The following PRDM2 variants were observed in gnomAD, a reference collection of about 807,000 sequenced individuals.
PRDM2 encodes the protein PR domain zinc finger protein 2.
Under a neutral mutation model 130.0 loss-of-function variants are expected in PRDM2, and 30 were observed. That is an observed-to-expected ratio of 0.23 (90% CI 0.17 to 0.31). The LOEUF (loss-of-function observed/expected upper bound fraction) is 0.31. Among genes scored for constraint, PRDM2 ranks in the 10% least tolerant of loss-of-function variants. PRDM2 has a pLI of 1.00. For missense variants in PRDM2, 2,011 were observed against 2,108.4 expected (o/e 0.95, Z 0.90); for synonymous variants, 871 against 782.4 (o/e 1.11, Z -1.89).
intron 8 of PRDM2, among the ~76,000 whole-genome samples, chr1:13,783,875 C>A (rs765858921): frequency 6.7e-6 from 1 of 149,938 alleles, no homozygotes; most frequent in Non-Finnish European, 1.5e-5. Flanking sequence ...TCTGAAAATT[C>A]TTTGGTGTTT....
chr1:13,747,754 G>T (rs1643655845), intron 5 of PRDM2, among the ~76,000 whole-genome samples: 1 of 127,950 alleles, frequency 7.8e-6, no homozygotes, highest in Non-Finnish European at 1.6e-5. Flanking sequence ...ACCGTAGGTG[G>T]AATCTCCCTC....
chr1:13,736,152 C>T (rs1483998707), intron 4 of PRDM2, among the ~76,000 whole-genome samples: 12 of 143,092 alleles, frequency 8.4e-5, no homozygotes, highest in Non-Finnish European at 1.8e-4. Flanking sequence ...CTTGCTCTGT[C>T]ACCCAGGCTG....
intron 5 of PRDM2, among the ~76,000 whole-genome samples, chr1:13,746,572 T>TTTA (rs2100523653): frequency 7.3e-6 from 1 of 137,568 alleles, no homozygotes; most frequent in African/African-American, 2.9e-5. Flanking sequence ...TTATTTATTT[T>TTTA]TTAAGATAGG....
chr1:13,707,031 A>T (rs1182589107), intron 1 of PRDM2, among the ~76,000 whole-genome samples: 4 of 152,134 alleles, frequency 2.6e-5, no homozygotes, highest in African/African-American at 9.7e-5. Context: ...GTAGTAATAT[A>T]AGTGTGCCTG....
intron 8 of PRDM2, among the ~76,000 whole-genome samples, chr1:13,793,453 T>C (rs962789898): frequency 2.0e-5 from 3 of 152,190 alleles, no homozygotes; most frequent in Non-Finnish European, 4.4e-5. Flanking sequence ...TGTGGGGAAC[T>C]TGGATGATGG....
intron 4 of PRDM2, 140 bp downstream of exon 4, chr1:13,733,022 A>T (rs1272977906): frequency 1.5e-6 from 1 of 667,104 alleles, no homozygotes. Context: ...TAAAGAGAAA[A>T]TGTGTTTCCC....
At chr1:13,754,169 T>G (rs1380024442) in intron 6 of PRDM2, among the ~76,000 whole-genome samples, 1 of 152,146 alleles carries the variant, frequency 6.6e-6, no homozygotes, top group Non-Finnish European at 1.5e-5. Flanking sequence ...GCAGTTCTAC[T>G]CATGTAGAAA....
rs897603594 is a variant in PRDM2 at position 13,787,128 on chromosome 1, G to T, written c.5036+4297G>T. On this transcript the variant is annotated intron_variant, in intron 8 of 9. Transcript: ENST00000311066. Reference sequence around the variant, plus strand: ...TGGAGAGGAAACCAGATTGGATATGGACTCTTTTTTATGCCTATTCTGGTG... The same window carrying T: ...TGGAGAGGAAACCAGATTGGATATGTACTCTTTTTTATGCCTATTCTGGTG... 8.1e-6 allele frequency: 8 copies of T among 985,260 alleles called. No homozygotes were observed. In the African/African-American group the frequency reaches 1.4e-4, roughly 17 times the overall value. The allele number at this position is 985,260 out of a possible 1,614,324, so 61.0% of individuals were successfully genotyped here. A position where few individuals can be genotyped will look rare whatever the true frequency, so the allele number is the denominator to read the frequency against.
At chr1:13,726,312 T>C (rs1300617234) in intron 2 of PRDM2, among the ~76,000 whole-genome samples, 4 of 152,232 alleles carry the variant, frequency 2.6e-5, no homozygotes, top group Admixed American at 2.6e-4. Context: ...GGAAAGGTCA[T>C]CCTGGGTCAG....
chr1:13,799,271 CCTT>C (rs1644970303), intron 8 of PRDM2, among the ~76,000 whole-genome samples: 1 of 152,114 alleles, frequency 6.6e-6, no homozygotes, highest in Middle Eastern at 3.2e-3. Flanking sequence ...TGGTGAAACT[CCTT>C]CTCTACTAAA....
intron 2 of PRDM2, among the ~76,000 whole-genome samples, chr1:13,727,928 G>A (rs958516384): frequency 2.0e-5 from 3 of 152,194 alleles, no homozygotes; most frequent in Non-Finnish European, 4.4e-5. Context: ...TTATGAGTAT[G>A]TGGGGGAGAG....
At chr1:13,816,381 G>A (rs1020580600) in intron 8 of PRDM2, 46 bp from the exon 9 acceptor site, 10 of 1,609,342 alleles carry the variant, frequency 6.2e-6, no homozygotes, top group East Asian at 2.2e-5. Flanking sequence ...CTAGGGCACC[G>A]GGCTGGGCTC....
intron 5 of PRDM2, among the ~76,000 whole-genome samples, chr1:13,746,437 T>C (rs1323331177): frequency 6.6e-6 from 1 of 151,886 alleles, no homozygotes; most frequent in Non-Finnish European, 1.5e-5. Context: ...TTGGTGTAGC[T>C]GTTTTAATAT....
chr1:13,785,154 A>G (rs1167391739), intron 8 of PRDM2, among the ~76,000 whole-genome samples: 2 of 152,212 alleles, frequency 1.3e-5, no homozygotes, highest in Non-Finnish European at 2.9e-5. Flanking sequence ...TTGTTGCATT[A>G]CACTAATAAG....
At chr1:13,809,296 T>G (rs567848326) in intron 8 of PRDM2, among the ~76,000 whole-genome samples, 2 of 152,176 alleles carry the variant, frequency 1.3e-5, no homozygotes, top group South Asian at 4.2e-4. Context: ...GGGGAGCCAG[T>G]GTGGAAGTGA....
chr1:13,763,700 A>C (rs1644157639), intron 6 of PRDM2, among the ~76,000 whole-genome samples: 1 of 152,200 alleles, frequency 6.6e-6, no homozygotes, highest in Non-Finnish European at 1.5e-5. Context: ...CATTGTTTTT[A>C]CTTTTGTTGG....
At position 13,733,612 on chromosome 1, in the gene PRDM2, G is replaced by A. The variant is rs377730123; in HGVS notation, c.231+730G>A. ...ACTTGCAGCAGGGGACATAGCCTCT[G>A]GGCTAGAAAACCCTCAATTAAAAAA... On this transcript the variant is annotated intron_variant, in intron 4 of 9. Transcript: ENST00000311066. 2.6e-5 allele frequency among the ~76,000 whole-genome samples: 4 copies of A among 152,228 alleles called. No individual in the cohort carries two copies. The South Asian group carries it at 8.3e-4, about 32-fold the overall frequency.
chr1:13,773,063 A>C lies in PRDM2; in HGVS notation c.512-15A>C. ...AAAAAAATGAATGAATAAATTAAAAAAAATTGTGTTTCAGGGAAGAAAAAA... is the reference window on the plus strand; with the variant it reads ...AAAAAAATGAATGAATAAATTAAAACAAATTGTGTTTCAGGGAAGAAAAAA... On this transcript the variant is annotated splice_polypyrimidine_tract_variant and intron_variant, in intron 6 of 9. Transcript: ENST00000311066. 1 of 1,396,682 alleles carries C rather than the reference A, an allele frequency of 7.2e-7. No homozygotes were observed. The highest frequency in any genetic ancestry group is 9.6e-7 in the Non-Finnish European group (1 of 1,042,382). 86.5% of individuals were successfully genotyped at this position (1,396,682 alleles called of 1,614,324 possible).
chr1:13,761,869 TTCTC>T (rs1175281058), intron 6 of PRDM2, among the ~76,000 whole-genome samples: 1 of 152,312 alleles, frequency 6.6e-6, no homozygotes, highest in Non-Finnish European at 1.5e-5. Flanking sequence ...AGTGACAGAA[TTCTC>T]TCTAACTTCT....
Sources: gnomAD v4.1 joint callset for allele counts (sites outside exome capture counted in the v4.1 genomes callset) on GRCh38, gnomAD v4.1.1 for gene constraint, MANE v1.5 for transcripts, NCBI Gene and HGNC (gene_info 2026-07-23, HGNC 2026-07-21) for gene names.